SLC22A24: variants seen among roughly 807,000 people sequenced by gnomAD.
SLC22A24 encodes steroid transmembrane transporter SLC22A24.
SLC22A24 carries 53 observed loss-of-function variants against 49.8 expected under a neutral mutation model. The observed-to-expected ratio is 1.06, with a 90% CI of 0.85 to 1.34. The LOEUF (loss-of-function observed/expected upper bound fraction) is 1.34. Among genes scored for constraint, SLC22A24 ranks in the 40% most tolerant of loss-of-function variants. The probability of loss-of-function intolerance (pLI) is 0.00; values close to 1 mark genes in which losing one functional copy is unlikely to be tolerated. For missense variants in SLC22A24, 786 were observed against 675.9 expected, an observed-to-expected ratio of 1.16 and a Z score of -1.81; for synonymous variants, 302 against 256.4, an observed-to-expected ratio of 1.18 and a Z score of -1.70.
intron 2 of SLC22A24, among the ~76,000 whole-genome samples, chr11:63,128,631 C>A (rs545907621): frequency 1.3e-5 from 2 of 152,326 alleles, no homozygotes; most frequent in South Asian, 4.1e-4. Context: ...TACTAAAAGT[C>A]TCTGAAATGC....
rs140405343 is a variant in SLC22A24, at chr11:63,113,201, T to C, written c.830+5711A>G. Among the ~76,000 whole-genome samples, 30 of 3,954 alleles carry C rather than the reference T, an allele frequency of 7.6e-3. 2 individuals carry two copies. Among genetic ancestry groups the C allele is most frequent in the Middle Eastern group, 0.071 (1 of 14 alleles). 2.6% of individuals were successfully genotyped at this position (3,954 alleles called of 152,430 possible). ...ACATATATATATACACATATATATA[T>C]ACATATATATACACATATATATATA... On this transcript the variant is annotated intron_variant, in intron 4 of 9. Transcript: ENST00000612278.
At chr11:63,109,151 C>A (rs1387200823) in intron 4 of SLC22A24, among the ~76,000 whole-genome samples, 1 of 150,836 alleles carries the variant, frequency 6.6e-6, no homozygotes, top group African/African-American at 2.4e-5. Context: ...CCAGTTTCAT[C>A]CATGTTCCTA....
chr11:63,130,629 T>C (rs926970788), intron 2 of SLC22A24, among the ~76,000 whole-genome samples: 3 of 152,206 alleles, frequency 2.0e-5, no homozygotes, highest in Non-Finnish European at 4.4e-5. Context: ...TGGTGGGCTG[T>C]TAATTATTGC....
At chr11:63,127,982 G>A (rs927022606) in intron 2 of SLC22A24, among the ~76,000 whole-genome samples, 19 of 151,070 alleles carry the variant, frequency 1.3e-4, no homozygotes, top group African/African-American at 4.6e-4. Context: ...AGTGTGGGCG[G>A]CAAGCCACCC....
chr11:63,123,335 T>C (rs2087265282), intron 2 of SLC22A24, among the ~76,000 whole-genome samples: 1 of 152,166 alleles, frequency 6.6e-6, no homozygotes, highest in African/African-American at 2.4e-5. Context: ...TGTAAAATGG[T>C]GATCATATGG....
At chr11:63,142,381 C>G (rs1301727282) in intron 1 of SLC22A24, among the ~76,000 whole-genome samples, 1 of 152,082 alleles carries the variant, frequency 6.6e-6, no homozygotes, top group African/African-American at 2.4e-5. Context: ...TGACTGAGAC[C>G]GTGAAAGAGA....
intron 6 of SLC22A24, among the ~76,000 whole-genome samples, chr11:63,089,877 C>T (rs577312935): frequency 4.0e-5 from 6 of 151,866 alleles, no homozygotes; most frequent in East Asian, 1.9e-4. Context: ...GTCAGGAGGT[C>T]GAGACCATCC....
At chr11:63,125,329 C>T (rs1176887774) in intron 2 of SLC22A24, among the ~76,000 whole-genome samples, 2 of 151,900 alleles carry the variant, frequency 1.3e-5, no homozygotes, top group East Asian at 1.9e-4. Flanking sequence ...CACGACAGGC[C>T]CTGGTATGTG....
intron 4 of SLC22A24, among the ~76,000 whole-genome samples, chr11:63,106,202 G>A (rs972529323): frequency 1.3e-5 from 2 of 151,072 alleles, no homozygotes. Flanking sequence ...TTGTCCTTGC[G>A]ATAGTTTGCT....
At chr11:63,127,577 T>C (rs1409329422) in intron 2 of SLC22A24, among the ~76,000 whole-genome samples, 1 of 152,190 alleles carries the variant, frequency 6.6e-6, no homozygotes, top group Non-Finnish European at 1.5e-5. Flanking sequence ...ATGGTTGAAT[T>C]AACTTACACT....
intron 1 of SLC22A24, among the ~76,000 whole-genome samples, chr11:63,138,837 G>A (rs1185512006): frequency 6.7e-6 from 1 of 150,162 alleles, no homozygotes; most frequent in African/African-American, 2.5e-5. Flanking sequence ...CATTTAATAA[G>A]GTTTTTTCCC....
At chr11:63,141,971 G>T (rs984405176) in intron 1 of SLC22A24, among the ~76,000 whole-genome samples, 2 of 151,864 alleles carry the variant, frequency 1.3e-5, no homozygotes. Flanking sequence ...TTTTCTGCAG[G>T]TTAGACTAAA....
At chr11:63,135,411 C>T (rs185070143) in intron 1 of SLC22A24, among the ~76,000 whole-genome samples, 148 of 152,346 alleles carry the variant, frequency 9.7e-4, no homozygotes, top group African/African-American at 3.2e-3. Flanking sequence ...CCTAGCATAA[C>T]ATTTGCCTAA....
At chr11:63,136,425 T>C (rs1265474562) in intron 1 of SLC22A24, among the ~76,000 whole-genome samples, 1 of 152,222 alleles carries the variant, frequency 6.6e-6, no homozygotes, top group Admixed American at 6.5e-5. Context: ...TTCTTCTCCA[T>C]GACAACATCC....
At chr11:63,109,162 C>T (rs1160487887) in intron 4 of SLC22A24, among the ~76,000 whole-genome samples, 2 of 150,590 alleles carry the variant, frequency 1.3e-5, no homozygotes, top group Admixed American at 1.3e-4. Context: ...CATGTTCCTA[C>T]AAAGGACATG....
rs567346711 is a variant in SLC22A24, at chr11:63,088,949, T to C, written c.1071-5492A>G. Among the ~76,000 whole-genome samples, 5 of 152,122 alleles carry C rather than the reference T, an allele frequency of 3.3e-5. No homozygotes were observed. The South Asian group carries it at 1.0e-3, about 32-fold the overall frequency. On this transcript the variant is annotated intron_variant, in intron 6 of 9. Coordinates refer to ENST00000612278, the MANE Select transcript of SLC22A24 (RefSeq NM_001136506.2). ...ATGAAAAGACACAACCTACGATAAA[T>C]TGGTGTCCCTGAAAATGATGGGCAG...
intron 5 of SLC22A24, among the ~76,000 whole-genome samples, chr11:63,100,867 T>C (rs997986990): frequency 1.3e-5 from 2 of 152,088 alleles, no homozygotes; most frequent in African/African-American, 2.4e-5. Context: ...AGAATGAAAC[T>C]AAGCTCTCAC....
chr11:63,117,312 T>G (rs2134664920), intron 4 of SLC22A24, among the ~76,000 whole-genome samples: 1 of 152,348 alleles, frequency 6.6e-6, no homozygotes, highest in Non-Finnish European at 1.5e-5. Flanking sequence ...GTATTCGTCA[T>G]GTGTGGCCAC....
intron 8 of SLC22A24, 69 bp from the exon 9 acceptor site, chr11:63,081,192 A>G (rs11231343): frequency 1.1e-5 from 15 of 1,326,784 alleles, no homozygotes; most frequent in East Asian, 2.5e-5. Context: ...TATCATCATT[A>G]TTTCTTTATG....
Sources: gnomAD v4.1 joint callset for allele counts (sites outside exome capture counted in the v4.1 genomes callset) on GRCh38, gnomAD v4.1.1 for gene constraint, MANE v1.5 for transcripts, NCBI Gene and HGNC (gene_info 2026-07-23, HGNC 2026-07-21) for gene names.